Variants in DMRT1 observed in about 807,000 individuals in gnomAD.
DMRT1 encodes doublesex and mab-3 related transcription factor 1.
Under a neutral mutation model 32.3 loss-of-function variants are expected in DMRT1, and 7 were observed. That is an observed-to-expected ratio of 0.22 (90% CI 0.12 to 0.41). DMRT1 has a LOEUF of 0.41. Among genes scored for constraint, DMRT1 ranks in the 10% least tolerant of loss-of-function variants. The pLI is 1.00. For missense variants in DMRT1, 625 were observed against 500.5 expected (o/e 1.25, Z -2.37); for synonymous variants, 278 against 206.1 (o/e 1.35, Z -2.99).
intron 2 of DMRT1, among the ~76,000 whole-genome samples, chr9:857,847 A>G (rs1815469217): frequency 7.5e-6 from 1 of 132,754 alleles, no homozygotes; most frequent in Non-Finnish European, 1.5e-5. Flanking sequence ...TCATTGTTCG[A>G]TTCCCACCTA....
intron 4 of DMRT1, among the ~76,000 whole-genome samples, chr9:964,699 A>G (rs1019203470): frequency 9.9e-5 from 15 of 152,142 alleles, no homozygotes; most frequent in Non-Finnish European, 1.9e-4. Flanking sequence ...GCAGTACACT[A>G]ACATCTTCAC....
At chr9:956,707 T>C (rs1488763639) in intron 4 of DMRT1, among the ~76,000 whole-genome samples, 1 of 152,240 alleles carries the variant, frequency 6.6e-6, no homozygotes, top group Non-Finnish European at 1.5e-5. Flanking sequence ...GCCAATTTGT[T>C]GACCAGGGGA....
intron 4 of DMRT1, among the ~76,000 whole-genome samples, chr9:953,985 G>C (rs1819513945): frequency 6.6e-6 from 1 of 152,110 alleles, no homozygotes; most frequent in African/African-American, 2.4e-5. Flanking sequence ...GAGTACTGTG[G>C]GCATTAGAGA....
At chr9:905,582 G>A (rs1404563731) in intron 3 of DMRT1, among the ~76,000 whole-genome samples, 1 of 151,718 alleles carries the variant, frequency 6.6e-6, no homozygotes, top group Non-Finnish European at 1.5e-5. Context: ...TAATGGAAAG[G>A]TTTTTTGTTT....
intron 2 of DMRT1, among the ~76,000 whole-genome samples, chr9:878,548 C>G (rs1435326013): frequency 6.6e-6 from 1 of 152,156 alleles, no homozygotes; most frequent in East Asian, 1.9e-4. Flanking sequence ...GCACTCAAGG[C>G]TACTGTCTGA....
chr9:909,965 C>G (rs943417987), intron 3 of DMRT1, among the ~76,000 whole-genome samples: 12 of 152,198 alleles, frequency 7.9e-5, no homozygotes. Flanking sequence ...CCTTCCTCCT[C>G]AGCCTCCCAC....
At chr9:939,588 T>G (rs1429738436) in intron 4 of DMRT1, among the ~76,000 whole-genome samples, 1 of 152,230 alleles carries the variant, frequency 6.6e-6, no homozygotes, top group Non-Finnish European at 1.5e-5. Flanking sequence ...TTATTGGCAT[T>G]TAATGCACAC....
chr9:915,429 T>C (rs1404487942), intron 3 of DMRT1, among the ~76,000 whole-genome samples: 1 of 152,156 alleles, frequency 6.6e-6, no homozygotes. Flanking sequence ...ATATAAAAGC[T>C]ATCTCATGGT....
chr9:942,823 TG>T (rs1293158069), intron 4 of DMRT1, among the ~76,000 whole-genome samples: 8 of 152,192 alleles, frequency 5.3e-5, no homozygotes, highest in Non-Finnish European at 1.0e-4. Flanking sequence ...AAGAGACTTT[TG>T]AACTTCTTTA....
intron 2 of DMRT1, among the ~76,000 whole-genome samples, chr9:847,659 T>C (rs1000901575): frequency 2.4e-5 from 3 of 123,642 alleles, no homozygotes; most frequent in Non-Finnish European, 4.1e-5. Context: ...ATGTGAAACC[T>C]GAGACATAGA....
intron 2 of DMRT1, among the ~76,000 whole-genome samples, chr9:867,030 G>C (rs564234819): frequency 1.3e-5 from 2 of 152,206 alleles, no homozygotes; most frequent in South Asian, 4.2e-4. Flanking sequence ...TCCAGGGGAA[G>C]GGCAACAAAA....
chr9:932,161 C>T (rs1401530344), intron 4 of DMRT1, among the ~76,000 whole-genome samples: 1 of 152,176 alleles, frequency 6.6e-6, no homozygotes, highest in Non-Finnish European at 1.5e-5. Context: ...CATTTAACTC[C>T]CTAGAATTTC....
At chr9:926,886 C>G (rs1818543559) in intron 4 of DMRT1, among the ~76,000 whole-genome samples, 1 of 152,232 alleles carries the variant, frequency 6.6e-6, no homozygotes, top group Admixed American at 6.5e-5. Flanking sequence ...GGACCCAGCT[C>G]TCTTGTGGGT....
intron 2 of DMRT1, among the ~76,000 whole-genome samples, chr9:858,211 T>C (rs1815487739): frequency 6.6e-6 from 1 of 152,134 alleles, no homozygotes; most frequent in African/African-American, 2.4e-5. Context: ...ATGTGGCCAG[T>C]GGGAAGAGGG....
chr9:942,634 C>G (rs945957979), intron 4 of DMRT1, among the ~76,000 whole-genome samples: 1 of 152,104 alleles, frequency 6.6e-6, no homozygotes, highest in African/African-American at 2.4e-5. Flanking sequence ...TTTAAAAACA[C>G]TATACCTGTG....
chr9:924,490 A>G (rs1187753581), intron 4 of DMRT1, among the ~76,000 whole-genome samples: 2 of 152,178 alleles, frequency 1.3e-5, no homozygotes, highest in Non-Finnish European at 2.9e-5. Flanking sequence ...AGAATCTGTC[A>G]TCTCTCATAT....
At chr9:862,593 G>T (rs1589463798) in intron 2 of DMRT1, among the ~76,000 whole-genome samples, 1 of 152,160 alleles carries the variant, frequency 6.6e-6, no homozygotes, top group African/African-American at 2.4e-5. Flanking sequence ...GTGTTTGAAG[G>T]GAACTGGGTG....
intron 4 of DMRT1, among the ~76,000 whole-genome samples, chr9:936,135 A>T (rs1818878050): frequency 6.6e-6 from 1 of 152,236 alleles, no homozygotes; most frequent in African/African-American, 2.4e-5. Context: ...TTTGTAAAAT[A>T]CATTTCTCTC....
At chr9:953,655 C>T (rs564237313) in intron 4 of DMRT1, among the ~76,000 whole-genome samples, 40 of 152,296 alleles carry the variant, frequency 2.6e-4, no homozygotes, top group African/African-American at 9.1e-4. Context: ...GTTTTCCTCG[C>T]CCCTTCCTTG....
Sources: allele counts gnomAD v4.1 joint callset (sites outside exome capture counted in the v4.1 genomes callset), GRCh38; gene constraint gnomAD v4.1.1; transcripts MANE v1.5; gene names NCBI Gene and HGNC (gene_info 2026-07-23, HGNC 2026-07-21).